Variants in TIAM1 observed in about 807,000 individuals in gnomAD.
TIAM1 encodes TIAM Rac1 associated GEF 1.
TIAM1 carries 65 observed loss-of-function variants against 163.5 expected under a neutral mutation model. The ratio of observed to expected loss-of-function variants is 0.40; its 90% CI spans 0.33 to 0.49. The LOEUF is 0.49. Among genes scored for constraint, TIAM1 ranks in the 20% least tolerant of loss-of-function variants. The probability of loss-of-function intolerance (pLI) is 0.77; values close to 1 mark genes in which losing one functional copy is unlikely to be tolerated. For missense variants in TIAM1, 1,789 were observed against 2,044.7 expected (o/e 0.87, Z 2.41); for synonymous variants, 833 against 810.1 (o/e 1.03, Z -0.48).
At position 31,339,290 on chromosome 21, in the gene TIAM1, C is replaced by G. The variant is rs1275836353; in HGVS notation, c.-236G>C. Reference sequence around the variant, plus strand: ...TTGTCAAGATCTCCAAATGGGCCATCTGCAGGGACTGCTCACATACTAGGT... The same window carrying G: ...TTGTCAAGATCTCCAAATGGGCCATGTGCAGGGACTGCTCACATACTAGGT... On this transcript the variant is annotated 5_prime_UTR_variant, in exon 2 of 28. Coordinates refer to ENST00000541036, the MANE Select transcript of TIAM1 (RefSeq NM_001353694.2). 2.5e-6 allele frequency: 1 copy of G among 398,506 alleles called. No homozygotes were observed. The highest frequency in any genetic ancestry group is 4.4e-6 in the Non-Finnish European group (1 of 226,068). The allele number at this position is 398,506 out of a possible 1,614,324, so 24.7% of individuals were successfully genotyped here.
At chr21:31,214,373 T>G (rs1257043934) in intron 9 of TIAM1, among the ~76,000 whole-genome samples, 3 of 151,102 alleles carry the variant, frequency 2.0e-5, no homozygotes, top group South Asian at 2.1e-4. Context: ...AAAAGAAAAA[T>G]ATAAATAAAA....
intron 2 of TIAM1, among the ~76,000 whole-genome samples, chr21:31,279,381 C>A (rs2833358): frequency 0.079 from 12,081 of 152,216 alleles, 1,214 homozygotes; most frequent in African/African-American, 0.24. Flanking sequence ...GGTTAATTGT[C>A]TCATGGCCTT....
At chr21:31,207,437 A>G (rs934912083) in intron 11 of TIAM1, among the ~76,000 whole-genome samples, 13 of 152,194 alleles carry the variant, frequency 8.5e-5, no homozygotes, top group African/African-American at 3.1e-4. Context: ...CCAAACATTG[A>G]GAATAACAAT....
At chr21:31,232,762 G>A (rs1238655387) in intron 6 of TIAM1, among the ~76,000 whole-genome samples, 2 of 152,132 alleles carry the variant, frequency 1.3e-5, no homozygotes, top group Non-Finnish European at 2.9e-5. Flanking sequence ...GAATTCAGAG[G>A]CCAAGAAGGC....
chr21:31,373,048 T>A (rs1602121076), intron 2 of TIAM1, among the ~76,000 whole-genome samples: 5 of 117,604 alleles, frequency 4.3e-5, no homozygotes, highest in South Asian at 2.8e-4. Context: ...AGAGCAAAAC[T>A]CTGTCTCAAA....
At chr21:31,490,930 G>C (rs1431222363) in intron 1 of TIAM1, among the ~76,000 whole-genome samples, 6 of 152,212 alleles carry the variant, frequency 3.9e-5, no homozygotes, top group Non-Finnish European at 1.5e-5. Context: ...ATCCAGACCA[G>C]CCTGGCCAAC....
intron 4 of TIAM1, among the ~76,000 whole-genome samples, chr21:31,258,609 A>G (rs1240147726): frequency 6.6e-6 from 1 of 152,146 alleles, no homozygotes; most frequent in East Asian, 1.9e-4. Flanking sequence ...AGGCGGGTGG[A>G]TCACGAAGTC....
chr21:31,138,855 T>G (rs2082724072), intron 22 of TIAM1, among the ~76,000 whole-genome samples: 1 of 152,328 alleles, frequency 6.6e-6, no homozygotes, highest in South Asian at 2.1e-4. Context: ...TGTCTTATCC[T>G]TCCACAACAA....
chr21:31,553,433 G>A (rs2048761460), intron 1 of TIAM1, among the ~76,000 whole-genome samples: 3 of 152,302 alleles, frequency 2.0e-5, no homozygotes, highest in Middle Eastern at 3.4e-3. Context: ...GTCCTGTTAA[G>A]TTTCAAACAA....
intron 24 of TIAM1, 149 bp from the exon 25 acceptor site, chr21:31,130,464 G>T (rs138500725): frequency 3.1e-6 from 2 of 640,430 alleles, no homozygotes; most frequent in East Asian, 5.4e-5. Flanking sequence ...TGTCCATCCA[G>T]CAGGAAGTGA....
intron 8 of TIAM1, among the ~76,000 whole-genome samples, chr21:31,218,515 G>A (rs1348779351): frequency 6.6e-6 from 1 of 151,510 alleles, no homozygotes; most frequent in Non-Finnish European, 1.5e-5. Context: ...GTTGCAGTGA[G>A]CTGAGAACAC....
chr21:31,410,582 CAT>C (rs960580436), intron 2 of TIAM1, among the ~76,000 whole-genome samples: 4 of 151,838 alleles, frequency 2.6e-5, no homozygotes, highest in African/African-American at 9.7e-5. Context: ...AGAATGTGTG[CAT>C]ATGTGTATGA....
intron 2 of TIAM1, among the ~76,000 whole-genome samples, chr21:31,326,010 G>A (rs1052257848): frequency 4.6e-5 from 7 of 152,026 alleles, no homozygotes; most frequent in African/African-American, 1.7e-4. Flanking sequence ...TGTTTCTCAC[G>A]CCCTCCAGAC....
intron 2 of TIAM1, among the ~76,000 whole-genome samples, chr21:31,458,981 G>A (rs180888476): frequency 3.3e-5 from 5 of 152,304 alleles, no homozygotes; most frequent in Middle Eastern, 3.4e-3. Context: ...TAAATGAGGA[G>A]GACAGGAGGT....
chr21:31,538,248 T>G lies in TIAM1; in HGVS notation c.-422+20679A>C, dbSNP rs184795304. 4.4e-3 allele frequency among the ~76,000 whole-genome samples: 672 copies of G among 152,308 alleles called. 5 individuals are homozygous for G. Among genetic ancestry groups the G allele is most frequent in the African/African-American group, 0.015 (605 of 41,574 alleles). The stretch of plus-strand genomic sequence containing the variant: ...TATTTAATTTCAATAATTTTTTAAT[T>G]AAATACATATGTGGCCAGGTGCGGT... On this transcript the variant is annotated intron_variant, in intron 1 of 28. Coordinates refer to the TIAM1 transcript ENST00000286827.
chr21:31,432,314 T>C (rs925435737), intron 2 of TIAM1, among the ~76,000 whole-genome samples: 1 of 152,094 alleles, frequency 6.6e-6, no homozygotes, highest in African/African-American at 2.4e-5. Context: ...TTGGCCAGCA[T>C]GGTCTCGATC....
intron 2 of TIAM1, among the ~76,000 whole-genome samples, chr21:31,306,519 C>T (rs1247571642): frequency 1.3e-5 from 2 of 152,122 alleles, no homozygotes; most frequent in South Asian, 2.1e-4. Context: ...AACCAAGTGG[C>T]CAAGGTGAGT....
chr21:31,230,919 C>T (rs1188304034), intron 6 of TIAM1, among the ~76,000 whole-genome samples: 4 of 152,160 alleles, frequency 2.6e-5, no homozygotes, highest in Non-Finnish European at 2.9e-5. Flanking sequence ...CACCCTGCCT[C>T]GGCCTCCCAA....
chr21:31,182,563 G>A lies in TIAM1; in HGVS notation c.2745C>T (p.Leu915=), dbSNP rs574695459. Residue 915 remains leucine, a synonymous_variant, in exon 15 of 28, where the codon CTC becomes CTT. Coordinates refer to ENST00000541036, the MANE Select transcript of TIAM1 (RefSeq NM_001353694.2). ...ALNSSMLKDF[L]SQPSLGLLVR... Reference sequence around the variant, plus strand: ...CCAGGAGGCCCAGCGAGGGCTGTGAGAGGAAATCTTTGAGCATAGAAGAGT... The same window carrying A: ...CCAGGAGGCCCAGCGAGGGCTGTGAAAGGAAATCTTTGAGCATAGAAGAGT... 3 of 1,614,144 alleles carry A rather than the reference G, an allele frequency of 1.9e-6. No individual in the cohort carries two copies. Among genetic ancestry groups the A allele is most frequent in the Admixed American group, 3.3e-5 (2 of 60,018 alleles).
Sources: allele counts gnomAD v4.1 joint callset (sites outside exome capture counted in the v4.1 genomes callset), GRCh38; gene constraint gnomAD v4.1.1; transcripts MANE v1.5; gene names NCBI Gene and HGNC (gene_info 2026-07-23, HGNC 2026-07-21).